POLA1: variants seen among roughly 807,000 people sequenced by gnomAD.
The protein encoded by POLA1 is DNA polymerase alpha 1, catalytic subunit.
In POLA1, 15 loss-of-function variants were observed where a neutral mutation model predicts 124.0. The observed-to-expected ratio is 0.12, with a 90% confidence interval of 0.08 to 0.19. POLA1 has a LOEUF of 0.19. POLA1 is among the 10% of genes least tolerant of loss of function. The pLI is 1.00. For synonymous variants in POLA1, 408 were observed against 389.4 expected, an observed-to-expected ratio of 1.05 and a Z score of -0.56; for missense variants, 886 against 1,103.4, an observed-to-expected ratio of 0.80 and a Z score of 2.79.
chrX:24,820,809 G>A (rs2046075220), intron 30 of POLA1, among the ~76,000 whole-genome samples: 1 of 109,635 alleles, frequency 9.1e-6, no homozygotes, highest in Non-Finnish European at 1.9e-5. Flanking sequence ...TATAATACTG[G>A]AACAAATTAT....
intron 26 of POLA1, among the ~76,000 whole-genome samples, chrX:24,801,390 G>A (rs771651214): frequency 1.4e-3 from 154 of 111,649 alleles, no homozygotes; most frequent in African/African-American, 4.9e-3. Context: ...TTTTACTAGA[G>A]CCTAAAAAAT....
chrX:24,712,773 T>A (rs1352963007), intron 4 of POLA1, among the ~76,000 whole-genome samples: 2 of 111,921 alleles, frequency 1.8e-5, no homozygotes, highest in Non-Finnish European at 3.8e-5. Context: ...CATTTGGTGT[T>A]TATACTGGTT....
intron 26 of POLA1, among the ~76,000 whole-genome samples, chrX:24,794,064 C>T (rs1201000151): frequency 1.8e-5 from 2 of 111,093 alleles, no homozygotes; most frequent in Non-Finnish European, 3.8e-5. Context: ...GCAACCTCCA[C>T]CTCCCGGGTT....
chrX:24,972,325 A>G (rs2048314012), intron 36 of POLA1, among the ~76,000 whole-genome samples: 1 of 112,287 alleles, frequency 8.9e-6, no homozygotes, highest in African/African-American at 3.2e-5. Context: ...AAAATAAAAT[A>G]TTCAGAAGAA....
chrX:24,982,350 G>A (rs1024033759), intron 36 of POLA1, among the ~76,000 whole-genome samples: 42 of 110,908 alleles, frequency 3.8e-4, no homozygotes, highest in African/African-American at 1.2e-3. Context: ...GTCATGTGCC[G>A]TCTGTGGCTG....
chrX:24,801,924 GGTGTGTGTGTGTGTGTGTGTGT>G (rs35938897), intron 26 of POLA1, among the ~76,000 whole-genome samples: 13 of 74,544 alleles, frequency 1.7e-4, no homozygotes, highest in African/African-American at 6.0e-4. Context: ...GAGGTGGGTG[GGTGTGTGTGTGTGTGTGTGTGT>G]GTGTGTGTGT....
rs752566349 is a variant in POLA1, at chrX:24,733,827, C to T, written c.1833+11C>T. ...GTCATTGAGAAAAAGGTAAAGTGCT[C>T]ATTATATGAAGCACCTGTTTGTTTG... On this transcript the variant is annotated intron_variant, in intron 17 of 36. Transcript: ENST00000379068. 18 of 984,237 alleles carry T rather than the reference C, an allele frequency of 1.8e-5. No homozygotes were observed. The highest frequency in any genetic ancestry group is 2.4e-5 in the Non-Finnish European group (17 of 702,422). 81.1% of individuals were successfully genotyped at this position (984,237 alleles called of 1,213,427 possible). A position where few individuals can be genotyped will look rare whatever the true frequency, so the allele number is the denominator to read the frequency against.
At chrX:24,896,063 A>G (rs1367868009) in intron 35 of POLA1, among the ~76,000 whole-genome samples, 1 of 111,891 alleles carries the variant, frequency 8.9e-6, no homozygotes, top group Non-Finnish European at 1.9e-5. Flanking sequence ...CCTAATCAAT[A>G]AGGTAGGAAA....
intron 26 of POLA1, chrX:24,789,022 G>A (rs771078625): frequency 3.4e-5 from 41 of 1,207,891 alleles, no homozygotes; most frequent in Non-Finnish European, 4.4e-5. Context: ...CCAGGTAATC[G>A]TTGAGCACCT....
chrX:24,935,600 C>T lies in POLA1; in HGVS notation c.4261+5051C>T, dbSNP rs150437403. ...CTCCTCTCAACCAGGTGAAATCCCA[C>T]ATTCACTTCCCCTCTTGAGCCTCAT... On this transcript the variant is annotated intron_variant, in intron 36 of 36. Coordinates refer to ENST00000379068, the MANE Select transcript of POLA1 (RefSeq NM_001330360.2). Among the ~76,000 whole-genome samples, 797 of 112,833 alleles carry T rather than the reference C, an allele frequency of 7.1e-3. 3 individuals are homozygous for T. The highest frequency in any genetic ancestry group is 0.024 in the African/African-American group (741 of 31,131).
chrX:24,896,169 A>T (rs2047203627), intron 35 of POLA1, among the ~76,000 whole-genome samples: 1 of 111,588 alleles, frequency 9.0e-6, no homozygotes, highest in African/African-American at 3.3e-5. Context: ...TGGTTGTCAT[A>T]ACTGGGGGTT....
intron 26 of POLA1, among the ~76,000 whole-genome samples, chrX:24,803,993 C>T (rs1211805611): frequency 2.4e-5 from 2 of 83,299 alleles, no homozygotes; most frequent in African/African-American, 9.3e-5. Context: ...TTTATCTTTG[C>T]AAAGCACTTT....
At chrX:24,804,014 G>T (rs991899240) in intron 26 of POLA1, among the ~76,000 whole-genome samples, 5 of 105,762 alleles carry the variant, frequency 4.7e-5, no homozygotes, top group Non-Finnish European at 7.7e-5. Context: ...TTAAGCCTGT[G>T]GTTCTTTTTA....
Position 24,723,344 on chromosome X carries a change from C to G in POLA1, c.1200+77C>G, listed in dbSNP as rs1311959235. On this transcript the variant is annotated intron_variant, in intron 11 of 36. Transcript: ENST00000379068. ...TTCTGTGTTTTGCAGCCAGCTCTCT[C>G]TCTTTCAATAGGGCTACAAATTCTC... 10 of 615,510 alleles carry G rather than the reference C, an allele frequency of 1.6e-5. No homozygotes were observed. The South Asian group carries it at 2.3e-4, about 14-fold the overall frequency. The allele number at this position is 615,510 out of a possible 1,213,427, so 50.7% of individuals were successfully genotyped here. A position where few individuals can be genotyped will look rare whatever the true frequency, so the allele number is the denominator to read the frequency against.
chrX:24,751,465 C>T (rs1328696077), intron 26 of POLA1, among the ~76,000 whole-genome samples: 1 of 112,045 alleles, frequency 8.9e-6, no homozygotes, highest in Non-Finnish European at 1.9e-5. Flanking sequence ...TCAGACGAAT[C>T]TAGAACTACT....
chrX:24,829,473 A>C (rs1393290381), intron 32 of POLA1, among the ~76,000 whole-genome samples: 1 of 111,188 alleles, frequency 9.0e-6, no homozygotes, highest in East Asian at 2.8e-4. Flanking sequence ...ATTAGTAACA[A>C]ATCTTGTAGT....
At chrX:24,787,744 T>G (rs2045394552) in intron 26 of POLA1, among the ~76,000 whole-genome samples, 1 of 112,252 alleles carries the variant, frequency 8.9e-6, no homozygotes, top group African/African-American at 3.2e-5. Context: ...TTTCTATTTC[T>G]GTGAAAAATG....
At chrX:24,876,692 A>ATAGTGG (rs1346716070) in intron 34 of POLA1, among the ~76,000 whole-genome samples, 1 of 89,054 alleles carries the variant, frequency 1.1e-5, no homozygotes, top group Non-Finnish European at 2.2e-5. Context: ...GGGGGGGGGG[A>ATAGTGG]TAGTGGTAGT....
intron 26 of POLA1, among the ~76,000 whole-genome samples, chrX:24,782,171 G>A (rs1433291109): frequency 6.2e-5 from 7 of 112,106 alleles, no homozygotes; most frequent in Admixed American, 4.7e-4. Flanking sequence ...AGGTCGAACT[G>A]AGAGATTAGT....
Sources: allele counts gnomAD v4.1 joint callset (sites outside exome capture counted in the v4.1 genomes callset), GRCh38; gene constraint gnomAD v4.1.1; transcripts MANE v1.5; gene names NCBI Gene and HGNC (gene_info 2026-07-23, HGNC 2026-07-21).